The following ZNF519 variants were observed in gnomAD, a reference collection of about 807,000 sequenced individuals.
ZNF519 encodes the protein zinc finger protein 519.
A neutral mutation model predicts 7.4 loss-of-function variants in ZNF519; 7 were observed. That is an observed-to-expected ratio of 0.94 (90% CI 0.54 to 1.77). The LOEUF (loss-of-function observed/expected upper bound fraction) is 1.77, where lower values mean the gene tolerates loss of function less well. Among genes scored for constraint, ZNF519 ranks in the 40% most tolerant of loss-of-function variants. The pLI, the probability that ZNF519 is intolerant of heterozygous loss-of-function variation, is 0.00. For synonymous variants in ZNF519, 179 were observed against 203.3 expected (o/e 0.88, Z 1.02); for missense variants, 586 against 623.1 (o/e 0.94, Z 0.63).
downstream of ZNF519, chr18:14,072,541 G>A (rs2046031905): frequency 6.6e-6 from 1 of 152,054 alleles, no homozygotes; most frequent in African/African-American, 2.4e-5. Context: ...ACTCTACTCT[G>A]TGCTTTTGGG....
chr18:14,074,795 G>C (rs2046041357), downstream of ZNF519: 1 of 152,248 alleles, frequency 6.6e-6, no homozygotes, highest in Non-Finnish European at 1.5e-5. Flanking sequence ...GCCATCTCAA[G>C]TATTCCAACC....
At chr18:14,113,655 C>T (rs560538812) in intron 2 of ZNF519, among the ~76,000 whole-genome samples, 35 of 151,798 alleles carry the variant, frequency 2.3e-4, no homozygotes, top group Non-Finnish European at 4.6e-4. Flanking sequence ...TGTGTACATA[C>T]CTAGGATTGG....
chr18:14,105,156 A>G lies in ZNF519; in HGVS notation c.1384T>C (p.Cys462Arg). The change falls in exon 3 of 3, where the codon TGT (cysteine) becomes CGT (arginine). Residue 462 changes from cysteine (C) to arginine (R), a missense_variant. By Grantham distance (180) the Cys-to-Arg change is radical (BLOSUM62 -3). Coordinates refer to ENST00000590202, the MANE Select transcript of ZNF519 (RefSeq NM_145287.4). ...ATAAAAGCTTTGCCACATTCTTCACATTTGAAAGACTTCTCTCCAGTATGG... is the reference window on the plus strand; with the variant it reads ...ATAAAAGCTTTGCCACATTCTTCACGTTTGAAAGACTTCTCTCCAGTATGG... Reference protein sequence around the residue: ...RIHTGEKSFKCEECGKAFIWG... With the variant: ...RIHTGEKSFKREECGKAFIWG... 5 of 1,613,326 alleles carry G rather than the reference A, an allele frequency of 3.1e-6. No individual in the cohort carries two copies. In the South Asian group the frequency reaches 4.4e-5, roughly 14 times the overall value.
chr18:14,121,341 A>T (rs1166489204), intron 2 of ZNF519, among the ~76,000 whole-genome samples: 1 of 151,960 alleles, frequency 6.6e-6, no homozygotes, highest in Non-Finnish European at 1.5e-5. Flanking sequence ...GACCTTAAGT[A>T]TACTTACTAT....
chr18:14,130,847 G>GAAAA (rs56750676), intron 1 of ZNF519, among the ~76,000 whole-genome samples: 14 of 145,516 alleles, frequency 9.6e-5, no homozygotes, highest in Non-Finnish European at 1.5e-4. Flanking sequence ...GGGGTTGGGG[G>GAAAA]AAAAAAAAAA....
chr18:14,077,109 G>C (rs1174469843), exon 5 of ZNF519: 1 of 152,106 alleles, frequency 6.6e-6, no homozygotes, highest in Non-Finnish European at 1.5e-5. Flanking sequence ...CTAGAGAACT[G>C]GGAAAAAACA....
intron 2 of ZNF519, chr18:14,090,363 T>C (rs1015112939): frequency 9.9e-5 from 15 of 152,168 alleles, no homozygotes; most frequent in South Asian, 2.1e-4. Context: ...CATCTCAAGA[T>C]TGATGGAAGA....
At chr18:14,095,421 G>A (rs551957121), downstream of ZNF519, among the ~76,000 whole-genome samples, 1 of 152,318 alleles carries the variant, frequency 6.6e-6, no homozygotes, top group African/African-American at 2.4e-5. Context: ...GAGGAATGGT[G>A]TTTGTGGCCG....
At chr18:14,123,430 G>A (rs1474275559) in intron 2 of ZNF519, among the ~76,000 whole-genome samples, 1 of 152,120 alleles carries the variant, frequency 6.6e-6, no homozygotes, top group Non-Finnish European at 1.5e-5. Context: ...AAAAATAACT[G>A]GTACAGGGCC....
intron 1 of ZNF519, among the ~76,000 whole-genome samples, chr18:14,128,310 A>AAACAAACAAACAAACAAACAAAC (rs569951991): frequency 0.011 from 1,661 of 151,864 alleles, 34 homozygotes; most frequent in African/African-American, 0.038. Flanking sequence ...ACAAACAAAC[A>AAACAAACAAACAAACAAACAAAC]AACTCTCCAC....
At chr18:14,088,599 C>T (rs1450281038) in intron 2 of ZNF519, among the ~76,000 whole-genome samples, 9 of 152,078 alleles carry the variant, frequency 5.9e-5, no homozygotes, top group Non-Finnish European at 1.2e-4. Flanking sequence ...TCTGGCATAT[C>T]CATCCCTTAT....
intron 2 of ZNF519, among the ~76,000 whole-genome samples, chr18:14,113,857 C>T (rs1291826064): frequency 6.7e-6 from 1 of 150,034 alleles, no homozygotes; most frequent in African/African-American, 2.5e-5. Context: ...GAGATAACAT[C>T]TCACTGTCAT....
chr18:14,080,740 G>A (rs1345598130), intron 3 of ZNF519, among the ~76,000 whole-genome samples: 1 of 152,176 alleles, frequency 6.6e-6, no homozygotes, highest in East Asian at 1.9e-4. Flanking sequence ...GACCTTTACA[G>A]CAGCTTTATT....
At position 14,104,914 on chromosome 18, in the gene ZNF519, T is replaced by C; in HGVS notation, c.*3A>G. 6.5e-7 allele frequency: 1 copy of C among 1,534,914 alleles called. No homozygotes were observed. Among genetic ancestry groups the C allele is most frequent in the African/African-American group, 1.4e-5 (1 of 72,408 alleles). ...TAGCACATTCTTTACACTTGCAGGG[T>C]TTCTACCTGGTATGAATTATTTGAT... On this transcript the variant is annotated 3_prime_UTR_variant, in exon 3 of 3. Coordinates refer to ENST00000590202, the MANE Select transcript of ZNF519 (RefSeq NM_145287.4).
At position 14,104,913 on chromosome 18, in the gene ZNF519, G is replaced by T. The variant is rs2046179935; in HGVS notation, c.*4C>A. On this transcript the variant is annotated 3_prime_UTR_variant, in exon 3 of 3. Transcript: ENST00000590202. ...TTAGCACATTCTTTACACTTGCAGG[G>T]TTTCTACCTGGTATGAATTATTTGA... The T allele has an allele frequency of 6.5e-7, 1 of 1,534,150 alleles. No individual in the cohort carries two copies. The highest frequency in any genetic ancestry group is 8.7e-7 in the Non-Finnish European group (1 of 1,144,664).
At chr18:14,099,890 G>C (rs1485196882), downstream of ZNF519, 1 of 152,124 alleles carries the variant, frequency 6.6e-6, no homozygotes, top group African/African-American at 2.4e-5. Flanking sequence ...TATAAAAAAA[G>C]TTGAATAAAT....
chr18:14,114,122 T>C (rs1462774640), intron 2 of ZNF519, among the ~76,000 whole-genome samples: 2 of 152,204 alleles, frequency 1.3e-5, no homozygotes, highest in Admixed American at 1.3e-4. Flanking sequence ...TCACTTGCTG[T>C]TTAAAAGTTC....
chr18:14,124,255 T>C, intron 2 of ZNF519, 95 bp downstream of exon 2: 1 of 1,157,540 alleles, frequency 8.6e-7, no homozygotes, highest in Admixed American at 2.8e-5. Context: ...TGAAATTAAT[T>C]CATGCAAAGC....
intron 4 of ZNF519, among the ~76,000 whole-genome samples, chr18:14,077,932 C>T (rs2046054562): frequency 6.6e-6 from 1 of 152,264 alleles, no homozygotes; most frequent in East Asian, 1.9e-4. Context: ...CAGTCGTCCC[C>T]AACCTTTTTG....
Sources: allele counts gnomAD v4.1 joint callset (sites outside exome capture counted in the v4.1 genomes callset), GRCh38; gene constraint gnomAD v4.1.1; transcripts MANE v1.5; gene names NCBI Gene and HGNC (gene_info 2026-07-23, HGNC 2026-07-21).